The following ANO3 variants were observed in gnomAD, a reference collection of about 807,000 sequenced individuals.
ANO3 encodes the protein anoctamin-3.
Under a neutral mutation model 144.8 loss-of-function variants are expected in ANO3, and 99 were observed. That is an observed-to-expected ratio of 0.68 (90% CI 0.58 to 0.81). The LOEUF is 0.81. Ranked by LOEUF, ANO3 falls within the 30% of genes least tolerant of loss-of-function variation. The pLI is 0.00. For missense variants in ANO3, 905 were observed against 1,202.2 expected, an observed-to-expected ratio of 0.75 and a Z score of 3.66; for synonymous variants, 414 against 392.6, an observed-to-expected ratio of 1.05 and a Z score of -0.64.
intron 1 of ANO3, among the ~76,000 whole-genome samples, chr11:26,411,233 G>C (rs1248921557): frequency 6.6e-6 from 1 of 151,952 alleles, no homozygotes; most frequent in African/African-American, 2.4e-5. Context: ...AATTGGTTGT[G>C]GCTCTTGACT....
At chr11:26,482,363 G>A (rs1049250740) in intron 4 of ANO3, among the ~76,000 whole-genome samples, 1 of 151,310 alleles carries the variant, frequency 6.6e-6, no homozygotes, top group African/African-American at 2.4e-5. Flanking sequence ...GACTGATTTT[G>A]TTGAATACTT....
intron 1 of ANO3, among the ~76,000 whole-genome samples, chr11:26,439,167 T>G (rs1198913124): frequency 6.6e-6 from 1 of 152,198 alleles, no homozygotes; most frequent in Non-Finnish European, 1.5e-5. Context: ...CATGTACAAA[T>G]TAGCTACAAC....
At chr11:26,328,137 A>C (rs1004820130), upstream of ANO3, among the ~76,000 whole-genome samples, 3 of 152,174 alleles carry the variant, frequency 2.0e-5, no homozygotes, top group African/African-American at 7.2e-5. Flanking sequence ...CCATGACTTT[A>C]TCTTAGACAC....
Position 26,660,724 on chromosome 11 carries a change from C to G in ANO3, c.*280C>G, listed in dbSNP as rs1349247092. On this transcript the variant is annotated 3_prime_UTR_variant, in exon 27 of 27. Coordinates refer to ENST00000256737, the MANE Select transcript of ANO3 (RefSeq NM_031418.4). Reference sequence around the variant, plus strand: ...CAGGGAGATATATGCTTGGAGAACTCTGCCTTCCATCAACTGCAGTGTAAT... The same window carrying G: ...CAGGGAGATATATGCTTGGAGAACTGTGCCTTCCATCAACTGCAGTGTAAT... 2.2e-5 allele frequency: 7 copies of G among 313,870 alleles called. No homozygotes were observed. The highest frequency in any genetic ancestry group is 6.2e-5 in the East Asian group (1 of 16,220). 19.4% of individuals were successfully genotyped at this position (313,870 alleles called of 1,614,324 possible).
At chr11:26,585,635 C>T (rs1179708979) in intron 14 of ANO3, among the ~76,000 whole-genome samples, 1 of 152,076 alleles carries the variant, frequency 6.6e-6, no homozygotes, top group Non-Finnish European at 1.5e-5. Context: ...ACACTCAAAG[C>T]GTGTTCTCAG....
At chr11:26,260,041 A>G (rs1291870084) in intron 1 of ANO3, among the ~76,000 whole-genome samples, 1 of 149,240 alleles carries the variant, frequency 6.7e-6, no homozygotes, top group Non-Finnish European at 1.5e-5. Flanking sequence ...TTAAAATTTT[A>G]AAGTGCTTTT....
In ANO3 at chr11:26,598,786, G is replaced by A. The variant is rs927463529; in HGVS notation, c.1531-72G>A. 4.2e-5 allele frequency: 62 copies of A among 1,478,498 alleles called. 1 individual carries two copies. In the Middle Eastern group the frequency reaches 5.3e-4, roughly 13 times the overall value. 91.6% of individuals were successfully genotyped at this position (1,478,498 alleles called of 1,614,324 possible). A position where few individuals can be genotyped will look rare whatever the true frequency, so the allele number is the denominator to read the frequency against. The stretch of plus-strand genomic sequence containing the variant: ...AAAGTAGGCCAAATTTAGGAGTATC[G>A]TATCAATTCTTGGGGGTATGTTTTT... On this transcript the variant is annotated intron_variant, in intron 15 of 26. Transcript: ENST00000256737.
intron 1 of ANO3, among the ~76,000 whole-genome samples, chr11:26,225,781 A>T (rs1852245316): frequency 6.6e-6 from 1 of 152,144 alleles, no homozygotes; most frequent in African/African-American, 2.4e-5. Flanking sequence ...TTCTTCTCTA[A>T]GCACAAACTT....
chr11:26,196,660 T>A (rs1277241823), intron 1 of ANO3, among the ~76,000 whole-genome samples: 2 of 152,172 alleles, frequency 1.3e-5, no homozygotes, highest in East Asian at 1.9e-4. Flanking sequence ...CAAATAAAAC[T>A]ATTCTCAAAA....
intron 21 of ANO3, 146 bp from the exon 22 acceptor site, chr11:26,641,750 T>TA: frequency 1.1e-6 from 1 of 909,838 alleles, no homozygotes; most frequent in East Asian, 3.1e-5. Flanking sequence ...TTTAACTTTT[T>TA]TAAAAAACTT....
At chr11:26,656,020 A>G in intron 24 of ANO3, 105 bp from the exon 25 acceptor site, 1 of 887,436 alleles carries the variant, frequency 1.1e-6, no homozygotes, top group Non-Finnish European at 1.7e-6. Context: ...TTATCATTAG[A>G]ATGGAAAGAA....
At chr11:26,366,896 A>C (rs1448602125) in intron 1 of ANO3, among the ~76,000 whole-genome samples, 1 of 152,042 alleles carries the variant, frequency 6.6e-6, no homozygotes, top group Non-Finnish European at 1.5e-5. Context: ...TCAGATGAGT[A>C]GGTTGCAAAA....
chr11:26,539,799 C>A (rs913303743), intron 10 of ANO3, among the ~76,000 whole-genome samples: 1 of 152,152 alleles, frequency 6.6e-6, no homozygotes, highest in Admixed American at 6.6e-5. Context: ...ATGTGCCAGG[C>A]ACTTTATAGG....
At chr11:26,278,430 C>T (rs1853605562) in intron 1 of ANO3, among the ~76,000 whole-genome samples, 1 of 152,192 alleles carries the variant, frequency 6.6e-6, no homozygotes, top group East Asian at 1.9e-4. Context: ...TGACTCATTA[C>T]AGAATATTTT....
At chr11:26,240,365 G>A (rs1040213811) in intron 1 of ANO3, among the ~76,000 whole-genome samples, 2 of 152,112 alleles carry the variant, frequency 1.3e-5, no homozygotes, top group Non-Finnish European at 2.9e-5. Context: ...AATTATACCA[G>A]TGTTTCCTCT....
intron 1 of ANO3, among the ~76,000 whole-genome samples, chr11:26,360,792 A>T (rs1440260281): frequency 1.3e-5 from 2 of 152,212 alleles, no homozygotes; most frequent in African/African-American, 4.8e-5. Context: ...TCTCAACATT[A>T]TCAAATCATG....
intron 17 of ANO3, among the ~76,000 whole-genome samples, chr11:26,611,145 A>G (rs1398845675): frequency 1.3e-5 from 2 of 151,544 alleles, no homozygotes; most frequent in Non-Finnish European, 2.9e-5. Flanking sequence ...TTCTGCTCTG[A>G]GCTTTATTAT....
intron 5 of ANO3, among the ~76,000 whole-genome samples, chr11:26,512,732 T>C (rs770594675): frequency 5.3e-5 from 8 of 152,150 alleles, no homozygotes; most frequent in Non-Finnish European, 5.9e-5. Flanking sequence ...CTTACTTGAG[T>C]ATATTAGATT....
At chr11:26,212,946 C>T (rs1250934262) in intron 1 of ANO3, among the ~76,000 whole-genome samples, 1 of 152,100 alleles carries the variant, frequency 6.6e-6, no homozygotes, top group Non-Finnish European at 1.5e-5. Context: ...ATCAAGTCAG[C>T]TTCATCCCTG....
Sources: gnomAD v4.1 joint callset for allele counts (sites outside exome capture counted in the v4.1 genomes callset) on GRCh38, gnomAD v4.1.1 for gene constraint, MANE v1.5 for transcripts, NCBI Gene and HGNC (gene_info 2026-07-23, HGNC 2026-07-21) for gene names.